The following THSD7B variants were observed in gnomAD, a reference collection of about 807,000 sequenced individuals.
THSD7B encodes the protein thrombospondin type-1 domain-containing protein 7B.
In THSD7B, 138 loss-of-function variants were observed where a neutral mutation model predicts 213.6. The observed-to-expected ratio is 0.65, with a 90% CI of 0.56 to 0.74. The LOEUF is 0.74. Ranked by LOEUF, THSD7B falls within the 30% of genes least tolerant of loss-of-function variation. The pLI is 0.00. For missense variants in THSD7B, 1,931 were observed against 1,991.5 expected, an observed-to-expected ratio of 0.97 and a Z score of 0.58; for synonymous variants, 742 against 687.0, an observed-to-expected ratio of 1.08 and a Z score of -1.25.
At chr2:137,667,678 G>C (rs750378396) in intron 26 of THSD7B, 96 bp from the exon 27 acceptor site, 13 of 967,076 alleles carry the variant, frequency 1.3e-5, no homozygotes, top group Non-Finnish European at 1.9e-5. Context: ...AGAACTGATG[G>C]TCAGCTTGGG....
In THSD7B at chr2:136,948,157, G is replaced by A. The variant is rs543720678; in HGVS notation, c.139+65840G>A. On this transcript the variant is annotated intron_variant, in intron 2 of 27. Coordinates refer to ENST00000409968, the MANE Select transcript of THSD7B (RefSeq NM_001316349.2). Reference sequence around the variant, plus strand: ...TAAACCTAGCCTGGAGTGGGTGATAGATTGTTGACTGAATGCATGAAAACC... The same window carrying A: ...TAAACCTAGCCTGGAGTGGGTGATAAATTGTTGACTGAATGCATGAAAACC... 2.0e-3 allele frequency among the ~76,000 whole-genome samples: 302 copies of A among 152,192 alleles called. 1 individual carries two copies. The highest frequency in any genetic ancestry group is 3.6e-3 in the Non-Finnish European group (248 of 68,010).
chr2:137,655,469 G>A (rs1683216767), intron 21 of THSD7B, 32 bp from the exon 22 acceptor site: 1 of 1,586,302 alleles, frequency 6.3e-7, no homozygotes, highest in Non-Finnish European at 8.6e-7. Context: ...GAATTATTTG[G>A]GTAATTGTGA....
chr2:137,648,719 C>A (rs1299842441), intron 21 of THSD7B, among the ~76,000 whole-genome samples: 2 of 152,014 alleles, frequency 1.3e-5, no homozygotes, highest in African/African-American at 4.8e-5. Flanking sequence ...ATTTATTGAT[C>A]TCTTTCCCTT....
intron 3 of THSD7B, among the ~76,000 whole-genome samples, chr2:137,062,878 G>T (rs1367858740): frequency 6.6e-6 from 1 of 151,820 alleles, no homozygotes; most frequent in African/African-American, 2.4e-5. Flanking sequence ...ATTCCTGATG[G>T]ATCTGTCGAT....
At chr2:137,281,706 A>T (rs1333040206) in intron 12 of THSD7B, among the ~76,000 whole-genome samples, 1 of 152,064 alleles carries the variant, frequency 6.6e-6, no homozygotes, top group African/African-American at 2.4e-5. Flanking sequence ...TTCCAGCTTC[A>T]TCCATGTCCC....
At chr2:137,641,747 C>T (rs13007782) in intron 20 of THSD7B, among the ~76,000 whole-genome samples, 219 of 152,278 alleles carry the variant, frequency 1.4e-3, no homozygotes, top group Non-Finnish European at 2.7e-3. Flanking sequence ...TTTTACTAAT[C>T]AATTGTCTTT....
At chr2:137,590,777 C>T (rs1681846356) in intron 17 of THSD7B, among the ~76,000 whole-genome samples, 1 of 117,814 alleles carries the variant, frequency 8.5e-6, no homozygotes, top group Admixed American at 8.7e-5. Flanking sequence ...GCATTTTTCC[C>T]TCTGCTTTGA....
At chr2:137,332,832 G>A (rs1249062668) in intron 12 of THSD7B, among the ~76,000 whole-genome samples, 3 of 152,180 alleles carry the variant, frequency 2.0e-5, no homozygotes, top group African/African-American at 4.8e-5. Flanking sequence ...GTGAAGAGGT[G>A]CCTTCTGCCA....
chr2:137,529,136 A>T (rs1680334310), intron 15 of THSD7B, among the ~76,000 whole-genome samples: 1 of 152,024 alleles, frequency 6.6e-6, no homozygotes, highest in South Asian at 2.1e-4. Context: ...TCTAAGGCAC[A>T]TTTCATTTAA....
chr2:137,469,601 A>G (rs1688054815), intron 15 of THSD7B, among the ~76,000 whole-genome samples: 1 of 152,226 alleles, frequency 6.6e-6, no homozygotes, highest in South Asian at 2.1e-4. Flanking sequence ...TATAAAAGAA[A>G]CTATCACAGC....
intron 12 of THSD7B, among the ~76,000 whole-genome samples, chr2:137,313,763 T>G (rs1012791690): frequency 2.8e-4 from 42 of 152,320 alleles, no homozygotes; most frequent in African/African-American, 8.4e-4. Flanking sequence ...CCTTCACTTA[T>G]GAAGCTTAGT....
chr2:136,948,630 G>T (rs972067933), intron 2 of THSD7B, among the ~76,000 whole-genome samples: 58 of 152,132 alleles, frequency 3.8e-4, no homozygotes, highest in African/African-American at 1.4e-3. Context: ...ATATACATAT[G>T]TAAGATATGT....
At chr2:137,188,364 T>C (rs1198567768) in intron 7 of THSD7B, among the ~76,000 whole-genome samples, 3 of 152,162 alleles carry the variant, frequency 2.0e-5, no homozygotes, top group Non-Finnish European at 4.4e-5. Context: ...GTGCTGAAGG[T>C]AGATACTCTA....
intron 12 of THSD7B, among the ~76,000 whole-genome samples, chr2:137,310,455 G>T (rs551400652): frequency 6.7e-6 from 1 of 149,172 alleles, no homozygotes; most frequent in South Asian, 2.2e-4. Context: ...TTTGTAGGTT[G>T]CCTGTTCACT....
intron 15 of THSD7B, among the ~76,000 whole-genome samples, chr2:137,557,064 G>C (rs1170528240): frequency 6.6e-6 from 1 of 152,116 alleles, no homozygotes; most frequent in Non-Finnish European, 1.5e-5. Context: ...GACCTACAAA[G>C]AGACTTAGAC....
chr2:137,377,246 C>A (rs1685677006), intron 12 of THSD7B, among the ~76,000 whole-genome samples: 1 of 152,082 alleles, frequency 6.6e-6, no homozygotes, highest in Non-Finnish European at 1.5e-5. Context: ...CTGCAGAATT[C>A]TAATTTGGTA....
At chr2:137,064,103 G>A (rs1687331512) in intron 3 of THSD7B, among the ~76,000 whole-genome samples, 1 of 151,842 alleles carries the variant, frequency 6.6e-6, no homozygotes, top group African/African-American at 2.4e-5. Context: ...CTCCATAGTG[G>A]TTGTACTGTG....
chr2:137,174,626 C>T (rs968743298), intron 7 of THSD7B, among the ~76,000 whole-genome samples: 6 of 152,140 alleles, frequency 3.9e-5, no homozygotes, highest in African/African-American at 1.4e-4. Flanking sequence ...CCTCTTTCTC[C>T]CTCAAGCCTG....
intron 1 of THSD7B, among the ~76,000 whole-genome samples, chr2:136,865,553 A>G (rs567874775): frequency 6.6e-6 from 1 of 152,300 alleles, no homozygotes; most frequent in East Asian, 1.9e-4. Context: ...TGATCCTTCA[A>G]ATGTTTGTCT....
Sources: allele counts gnomAD v4.1 joint callset (sites outside exome capture counted in the v4.1 genomes callset), GRCh38; gene constraint gnomAD v4.1.1; transcripts MANE v1.5; gene names NCBI Gene and HGNC (gene_info 2026-07-23, HGNC 2026-07-21).